Variants in AQR observed in about 807,000 individuals in gnomAD.
AQR encodes RNA helicase aquarius.
AQR carries 61 observed loss-of-function variants against 180.5 expected under a neutral mutation model. The observed-to-expected ratio is 0.34, with a 90% CI of 0.28 to 0.42. The LOEUF is 0.42. Ranked by LOEUF, AQR falls within the 10% of genes least tolerant of loss-of-function variation. AQR has a pLI of 1.00. For synonymous variants in AQR, 551 were observed against 588.8 expected (o/e 0.94, Z 0.93); for missense variants, 1,281 against 1,798.3 (o/e 0.71, Z 5.20).
chr15:34,865,340 G>C (rs1470874387), intron 32 of AQR, among the ~76,000 whole-genome samples: 1 of 152,096 alleles, frequency 6.6e-6, no homozygotes, highest in Non-Finnish European at 1.5e-5. Flanking sequence ...AAAGGGACCA[G>C]AACTGTCCCA....
At chr15:34,879,184 G>A (rs1892931667) in intron 27 of AQR, among the ~76,000 whole-genome samples, 1 of 152,112 alleles carries the variant, frequency 6.6e-6, no homozygotes, top group African/African-American at 2.4e-5. Flanking sequence ...ATCCCAAAGA[G>A]TTAAAGAAAC....
At position 34,856,227 on chromosome 15, in the gene AQR, T is replaced by C. The variant is rs1175442719; in HGVS notation, c.*565A>G. 1 of 229,128 alleles carries C rather than the reference T, an allele frequency of 4.4e-6. No individual in the cohort carries two copies. Among genetic ancestry groups the C allele is most frequent in the Non-Finnish European group, 8.4e-6 (1 of 119,448 alleles). The allele number at this position is 229,128 out of a possible 1,614,324, so 14.2% of individuals were successfully genotyped here. On this transcript the variant is annotated 3_prime_UTR_variant, in exon 35 of 35. Coordinates refer to ENST00000156471, the MANE Select transcript of AQR (RefSeq NM_014691.3). Reference sequence around the variant, plus strand: ...GGTGTGCCTCAAGAATAAACAGACATCTTAGGTGATTCTAAGGCATTCTAA... The same window carrying C: ...GGTGTGCCTCAAGAATAAACAGACACCTTAGGTGATTCTAAGGCATTCTAA...
intron 24 of AQR, 25 bp from the exon 25 acceptor site, chr15:34,886,686 G>T: frequency 6.3e-7 from 1 of 1,585,630 alleles, no homozygotes; most frequent in South Asian, 1.2e-5. Flanking sequence ...TAGGCAAAAT[G>T]ACAAAACTGT....
At chr15:34,951,070 G>A (rs1169053009) in intron 4 of AQR, among the ~76,000 whole-genome samples, 1 of 152,092 alleles carries the variant, frequency 6.6e-6, no homozygotes, top group Non-Finnish European at 1.5e-5. Flanking sequence ...TCAGACTTAA[G>A]GATTTGTTCA....
At chr15:34,941,841 T>C (rs1024989348) in intron 7 of AQR, among the ~76,000 whole-genome samples, 171 bp downstream of exon 7, 2 of 152,204 alleles carry the variant, frequency 1.3e-5, no homozygotes, top group African/African-American at 4.8e-5. Context: ...ATCGAATGCA[T>C]ATAAAAACTT....
intron 13 of AQR, among the ~76,000 whole-genome samples, chr15:34,924,924 A>G (rs1893736723): frequency 6.6e-6 from 1 of 151,426 alleles, no homozygotes; most frequent in Non-Finnish European, 1.5e-5. Flanking sequence ...AAATGTAAAA[A>G]AAAAAAAAAA....
chr15:34,949,792 ATT>A (rs1894191155), intron 4 of AQR, among the ~76,000 whole-genome samples: 1 of 140,064 alleles, frequency 7.1e-6, no homozygotes, highest in Non-Finnish European at 1.5e-5. Flanking sequence ...CCTTATCTCT[ATT>A]AAAAAAAAAA....
intron 16 of AQR, among the ~76,000 whole-genome samples, chr15:34,912,991 C>G (rs1452852862): frequency 6.6e-6 from 1 of 152,184 alleles, no homozygotes; most frequent in African/African-American, 2.4e-5. Flanking sequence ...TGGCTAAACC[C>G]TTGTGAAACA....
chr15:34,958,939 C>T (rs1894371154), intron 3 of AQR, among the ~76,000 whole-genome samples: 1 of 151,972 alleles, frequency 6.6e-6, no homozygotes, highest in African/African-American at 2.4e-5. Context: ...TAATTCACAG[C>T]ATTTACTGTC....
At position 34,893,607 on chromosome 15, in the gene AQR, GCACACACACACACACACACA is replaced by G. The variant is rs386382691; in HGVS notation, c.2571+36_2571+55del. 11,989 of 999,642 alleles carry G rather than the reference GCACACACACACACACACACA, an allele frequency of 0.012. 630 individuals carry two copies. The African/African-American group carries it at 0.16, about 13-fold the overall frequency. The allele number at this position is 999,642 out of a possible 1,614,324, so 61.9% of individuals were successfully genotyped here. A position where few individuals can be genotyped will look rare whatever the true frequency, so the allele number is the denominator to read the frequency against. Reference sequence around the variant, plus strand: ...CATACCCATGTGCATGCGCATGCGTGCACACACACACACACACACACACACACACACACACACACACACAC... The same window carrying G: ...CATACCCATGTGCATGCGCATGCGTGCACACACACACACACACACACACAC... On this transcript the variant is annotated intron_variant, in intron 23 of 34. Transcript: ENST00000156471.
chr15:34,895,962 A>G (rs1460019557), intron 22 of AQR, among the ~76,000 whole-genome samples: 33 of 152,260 alleles, frequency 2.2e-4, no homozygotes, highest in Admixed American at 2.2e-3. Flanking sequence ...GCCATAAAAC[A>G]AATTTTAACA....
intron 30 of AQR, among the ~76,000 whole-genome samples, chr15:34,871,506 CAAAAAAAAAAAA>C (rs916025647): frequency 4.8e-5 from 3 of 62,356 alleles, no homozygotes; most frequent in Non-Finnish European, 1.1e-4. Flanking sequence ...ATCTCATCTC[CAAAAAAAAAAAA>C]AAAAAAAATT....
chr15:34,955,251 C>G (rs1409279673), intron 3 of AQR, among the ~76,000 whole-genome samples: 1 of 152,042 alleles, frequency 6.6e-6, no homozygotes, highest in Non-Finnish European at 1.5e-5. Flanking sequence ...ATGCATTATG[C>G]CTGACACTGT....
intron 29 of AQR, 61 bp downstream of exon 29, chr15:34,874,616 T>C (rs1243088252): frequency 6.3e-7 from 1 of 1,587,806 alleles, no homozygotes; most frequent in Non-Finnish European, 8.6e-7. Flanking sequence ...TATTCACAAA[T>C]ACTTGGATCA....
At chr15:34,888,378 A>T (rs978775047) in intron 24 of AQR, among the ~76,000 whole-genome samples, 2 of 151,978 alleles carry the variant, frequency 1.3e-5, no homozygotes, top group Non-Finnish European at 2.9e-5. Context: ...ACATTATTAC[A>T]CTTAAAAGAT....
At chr15:34,947,513 A>AAAAAAT (rs1555426504) in intron 5 of AQR, among the ~76,000 whole-genome samples, 27 of 145,210 alleles carry the variant, frequency 1.9e-4, no homozygotes, top group South Asian at 4.3e-4. Context: ...TCAATAAAAA[A>AAAAAAT]AATAATAATA....
At chr15:34,959,338 GT>G (rs1315655146) in intron 3 of AQR, among the ~76,000 whole-genome samples, 1 of 152,140 alleles carries the variant, frequency 6.6e-6, no homozygotes, top group Admixed American at 6.6e-5. Context: ...AATTTTTTGT[GT>G]TTTTTCTGGA....
intron 7 of AQR, 55 bp downstream of exon 7, chr15:34,941,957 C>T: frequency 7.2e-7 from 1 of 1,392,406 alleles, no homozygotes; most frequent in Non-Finnish European, 9.8e-7. Flanking sequence ...AGACTAAAAC[C>T]ACACGTTCTA....
chr15:34,956,358 A>G (rs1441365922), intron 3 of AQR, among the ~76,000 whole-genome samples: 1 of 152,132 alleles, frequency 6.6e-6, no homozygotes, highest in Non-Finnish European at 1.5e-5. Context: ...ATTTAAGAAC[A>G]GAGTATTCAA....
Sources: allele counts gnomAD v4.1 joint callset (sites outside exome capture counted in the v4.1 genomes callset), GRCh38; gene constraint gnomAD v4.1.1; transcripts MANE v1.5; gene names NCBI Gene and HGNC (gene_info 2026-07-23, HGNC 2026-07-21).